The following PKHD1 variants were observed in gnomAD, a reference collection of about 807,000 sequenced individuals.
PKHD1 encodes fibrocystin.
Under a neutral mutation model 412.0 loss-of-function variants are expected in PKHD1, and 291 were observed. That is an observed-to-expected ratio of 0.71 (90% confidence interval 0.64 to 0.78). The LOEUF is 0.78. Ranked by LOEUF, PKHD1 falls within the 30% of genes least tolerant of loss-of-function variation. PKHD1 has a pLI of 0.00. For missense variants in PKHD1, 4,825 were observed against 4,950.7 expected, an observed-to-expected ratio of 0.97 and a Z score of 0.76; for synonymous variants, 1,777 against 1,821.5, an observed-to-expected ratio of 0.98 and a Z score of 0.62.
At position 52,025,913 on chromosome 6, in the gene PKHD1, T is replaced by A; in HGVS notation, c.3897A>T (p.Ala1299=). 1.2e-6 allele frequency: 2 copies of A among 1,614,182 alleles called. No individual in the cohort carries two copies. Among genetic ancestry groups the A allele is most frequent in the Non-Finnish European group, 1.7e-6 (2 of 1,180,038 alleles). ...CTTGCATGGCAGTGACTACTGGTGTTGCTGCCGCTTCATACATGAAGGTGA... is the reference window on the plus strand; with the variant it reads ...CTTGCATGGCAGTGACTACTGGTGTAGCTGCCGCTTCATACATGAAGGTGA... ...KGFTFMYEAA[A]TPVVTAMQGE... is the part of the protein sequence containing the mutation. The change falls in exon 32 of 67, where the codon GCA becomes GCT. Residue 1299 remains alanine, a synonymous_variant. Transcript: ENST00000371117.
rs1812544821 is a variant in PKHD1 at position 52,084,942 on chromosome 6, C to T, written c.-9G>A. ...ATCAGCCAGGCAGTCATTCTGTCCA[C>T]TTAAATCAATACTCTTAAGATTGCT... is the stretch of plus-strand genomic sequence containing the variant. On this transcript the variant is annotated 5_prime_UTR_variant, in exon 2 of 67. It adds an upstream start codon to the 5' untranslated region. Transcript: ENST00000371117. 6.3e-7 allele frequency: 1 copy of T among 1,584,950 alleles called. No individual in the cohort carries two copies.
At chr6:51,654,200 A>G (rs1771437898) in intron 61 of PKHD1, among the ~76,000 whole-genome samples, 1 of 152,158 alleles carries the variant, frequency 6.6e-6, no homozygotes, top group African/African-American at 2.4e-5. Flanking sequence ...TGACCACCTA[A>G]TAAATTTTAT....
intron 52 of PKHD1, among the ~76,000 whole-genome samples, chr6:51,806,247 G>A (rs1382375169): frequency 6.6e-6 from 1 of 152,088 alleles, no homozygotes; most frequent in Non-Finnish European, 1.5e-5. Context: ...GCATTCTAGT[G>A]GTTCACCCAA....
At chr6:51,801,531 G>T (rs1762908471) in intron 52 of PKHD1, among the ~76,000 whole-genome samples, 1 of 151,570 alleles carries the variant, frequency 6.6e-6, no homozygotes. Flanking sequence ...TTTCAAACTG[G>T]TCTTAAAAAT....
chr6:51,723,339 CACAA>C (rs1365032463), intron 60 of PKHD1, among the ~76,000 whole-genome samples: 2 of 152,156 alleles, frequency 1.3e-5, no homozygotes, highest in African/African-American at 2.4e-5. Context: ...TTCTCCTTAA[CACAA>C]ACAGAGAAAA....
At chr6:51,792,135 T>C (rs1026032687) in intron 52 of PKHD1, among the ~76,000 whole-genome samples, 9 of 152,196 alleles carry the variant, frequency 5.9e-5, no homozygotes, top group African/African-American at 2.2e-4. Flanking sequence ...TTCATATAAC[T>C]TCAGAAGAAA....
intron 36 of PKHD1, among the ~76,000 whole-genome samples, chr6:51,941,886 A>G (rs1457303794): frequency 6.6e-6 from 1 of 151,484 alleles, no homozygotes; most frequent in Admixed American, 6.6e-5. Flanking sequence ...GCCTTCACAG[A>G]CAGCCCCCAT....
At chr6:51,741,203 A>G (rs753068186) in intron 60 of PKHD1, 10 of 518,868 alleles carry the variant, frequency 1.9e-5, no homozygotes, top group Middle Eastern at 3.2e-4. Context: ...CCTAAAATGA[A>G]CACTCTTATG....
intron 61 of PKHD1, among the ~76,000 whole-genome samples, chr6:51,652,327 G>C (rs1450317955): frequency 6.6e-6 from 1 of 152,042 alleles, no homozygotes; most frequent in African/African-American, 2.4e-5. Flanking sequence ...TGTTTACCCT[G>C]TAGAAGATGG....
At chr6:51,940,629 A>G (rs1475918417) in intron 36 of PKHD1, among the ~76,000 whole-genome samples, 1 of 151,714 alleles carries the variant, frequency 6.6e-6, no homozygotes, top group Non-Finnish European at 1.5e-5. Flanking sequence ...ACTCCTTCCC[A>G]GATCTTCTTG....
At position 52,025,167 on chromosome 6, in the gene PKHD1, T is replaced by A; in HGVS notation, c.4643A>T (p.His1548Leu). The A allele has an allele frequency of 6.2e-7, 1 of 1,614,150 alleles. No individual in the cohort carries two copies. Among genetic ancestry groups the A allele is most frequent in the Non-Finnish European group, 8.5e-7 (1 of 1,179,998 alleles). Reference protein sequence around the residue: ...CQTRDLAPGPHYLSVFYTRNG... With the variant: ...CQTRDLAPGPLYLSVFYTRNG... ...TCTTGTATAAAAAACTGACAGGTAG[T>A]GGGGTCCTGGGGCCAAGTCTCTTGT... Residue 1548 changes from histidine (H) to leucine (L), a missense_variant, in exon 32 of 67, where the codon CAC becomes CTC. Physicochemically the swap from His to Leu is moderately conservative, Grantham distance 99. Coordinates refer to ENST00000371117, the MANE Select transcript of PKHD1 (RefSeq NM_138694.4).
intron 33 of PKHD1, among the ~76,000 whole-genome samples, chr6:52,022,334 C>T (rs1401420665): frequency 6.6e-6 from 1 of 152,058 alleles, no homozygotes; most frequent in African/African-American, 2.4e-5. Flanking sequence ...AATAAGAAAC[C>T]GAAAACTGAA....
At chr6:52,021,454 T>C (rs551094662) in intron 33 of PKHD1, among the ~76,000 whole-genome samples, 21 of 152,304 alleles carry the variant, frequency 1.4e-4, no homozygotes, top group Non-Finnish European at 2.6e-4. Context: ...AATGTAGCAG[T>C]ATTAGTTAAA....
chr6:51,890,085 G>C (rs575778452), intron 43 of PKHD1, among the ~76,000 whole-genome samples: 1 of 152,160 alleles, frequency 6.6e-6, no homozygotes, highest in South Asian at 2.1e-4. Flanking sequence ...AGGCACTACA[G>C]TCCAGGTACT....
intron 35 of PKHD1, among the ~76,000 whole-genome samples, chr6:51,980,599 C>T (rs931217723): frequency 6.6e-6 from 1 of 152,194 alleles, no homozygotes; most frequent in African/African-American, 2.4e-5. Context: ...AACCAACACA[C>T]AAGCCAAGCA....
At chr6:51,955,129 A>G (rs1790916874) in intron 36 of PKHD1, among the ~76,000 whole-genome samples, 1 of 152,044 alleles carries the variant, frequency 6.6e-6, no homozygotes, top group African/African-American at 2.4e-5. Flanking sequence ...GCCTATTTCC[A>G]TCCCAGCTCA....
intron 37 of PKHD1, 146 bp downstream of exon 37, chr6:51,933,964 T>G: frequency 1.4e-6 from 1 of 703,014 alleles, no homozygotes; most frequent in South Asian, 1.5e-5. Context: ...CGTAACAGTT[T>G]TACTTGTTAT....
Position 51,931,654 on chromosome 6 carries a change from GA to G in PKHD1, c.6121+2455del, listed in dbSNP as rs751573291. ...TACATAATATTTGTTTCAAATGCAT[GA>G]GATGCTGCAGCATCACATCAGAGAG... On this transcript the variant is annotated intron_variant, in intron 37 of 66. Coordinates refer to ENST00000371117, the MANE Select transcript of PKHD1 (RefSeq NM_138694.4). 2.0e-5 allele frequency among the ~76,000 whole-genome samples: 3 copies of G among 152,174 alleles called. No homozygotes were observed. The East Asian group carries it at 5.8e-4, about 29-fold the overall frequency.
chr6:52,067,921 G>A (rs1809999918), intron 11 of PKHD1, among the ~76,000 whole-genome samples: 1 of 152,116 alleles, frequency 6.6e-6, no homozygotes, highest in African/African-American at 2.4e-5. Context: ...GGGGCTTGAA[G>A]GGGCAGAGGG....
Sources: gnomAD v4.1 joint callset for allele counts (sites outside exome capture counted in the v4.1 genomes callset) on GRCh38, gnomAD v4.1.1 for gene constraint, MANE v1.5 for transcripts, NCBI Gene and HGNC (gene_info 2026-07-23, HGNC 2026-07-21) for gene names.